Variants in NEK11 observed in about 807,000 individuals in gnomAD.
NEK11 encodes NIMA related kinase 11.
In NEK11, 72 loss-of-function variants were observed where a neutral mutation model predicts 80.7. The ratio of observed to expected loss-of-function variants is 0.89; its 90% CI spans 0.74 to 1.08. The LOEUF (loss-of-function observed/expected upper bound fraction) is 1.08. Among genes scored for constraint, NEK11 ranks in the 50% least tolerant of loss-of-function variants. The pLI, the probability that NEK11 is intolerant of heterozygous loss-of-function variation, is 0.00. For synonymous variants in NEK11, 251 were observed against 260.7 expected, an observed-to-expected ratio of 0.96 and a Z score of 0.36; for missense variants, 764 against 763.6, an observed-to-expected ratio of 1.00 and a Z score of -0.01.
chr3:131,263,030 A>G (rs2095962438), intron 16 of NEK11, among the ~76,000 whole-genome samples: 1 of 152,148 alleles, frequency 6.6e-6, no homozygotes, highest in Admixed American at 6.6e-5. Context: ...TCCATGGCAT[A>G]TATGTGCCAC....
rs1577735592 is a variant in NEK11 at position 131,067,863 on chromosome 3, G to A, written c.171-12560G>A. ...GCAAACTATAGTTTAAAGAATTTGGGTTAAAATGTAAGGAAGATTTTCTTC... is the reference window on the plus strand; with the variant it reads ...GCAAACTATAGTTTAAAGAATTTGGATTAAAATGTAAGGAAGATTTTCTTC... On this transcript the variant is annotated intron_variant, in intron 3 of 17. Transcript: ENST00000383366. 2.6e-5 allele frequency among the ~76,000 whole-genome samples: 4 copies of A among 152,320 alleles called. 1 individual carries two copies. In the South Asian group the frequency reaches 8.3e-4, roughly 32 times the overall value.
At chr3:131,237,094 C>A (rs576454255) in intron 15 of NEK11, among the ~76,000 whole-genome samples, 1 of 152,268 alleles carries the variant, frequency 6.6e-6, no homozygotes, top group South Asian at 2.1e-4. Flanking sequence ...AATCCTAGCA[C>A]TTTGGGAGGC....
intron 17 of NEK11, among the ~76,000 whole-genome samples, chr3:131,319,491 A>C (rs2096876637): frequency 6.6e-6 from 1 of 152,170 alleles, no homozygotes; most frequent in South Asian, 2.1e-4. Context: ...GCATGCTTAT[A>C]GTATGATTGT....
chr3:131,081,486 G>A (rs1239665784), intron 4 of NEK11, among the ~76,000 whole-genome samples: 1 of 152,180 alleles, frequency 6.6e-6, no homozygotes, highest in Non-Finnish European at 1.5e-5. Context: ...AAGTGGGAGA[G>A]GGGAAAGTGG....
intron 15 of NEK11, among the ~76,000 whole-genome samples, chr3:131,234,862 CA>C (rs1242551438): frequency 1.3e-5 from 2 of 149,940 alleles, no homozygotes; most frequent in Non-Finnish European, 3.0e-5. Flanking sequence ...ATTTTAGGTT[CA>C]GGGGGTACAT....
intron 3 of NEK11, among the ~76,000 whole-genome samples, chr3:131,042,589 GA>G (rs1462820533): frequency 6.6e-6 from 1 of 152,208 alleles, no homozygotes; most frequent in Non-Finnish European, 1.5e-5. Flanking sequence ...GGGCATCTCT[GA>G]AAGAAAGGCA....
chr3:131,096,105 G>A (rs1455661114), intron 4 of NEK11, among the ~76,000 whole-genome samples: 1 of 151,894 alleles, frequency 6.6e-6, no homozygotes, highest in Non-Finnish European at 1.5e-5. Flanking sequence ...ACATCTGTAG[G>A]TTTGTTACAT....
At chr3:131,235,302 A>G (rs773914755) in intron 15 of NEK11, among the ~76,000 whole-genome samples, 5 of 152,148 alleles carry the variant, frequency 3.3e-5, no homozygotes, top group Non-Finnish European at 7.4e-5. Flanking sequence ...ACTACCCTAC[A>G]TTAATCCCTG....
rs1411752443 is a variant in NEK11, at chr3:131,333,538, G to A, written c.1719-16019G>A. ...ATGCCAAAATGTAAAGACCATCGAGGCTAGGAAGAAACTGCATCAACTAAC... is the reference window on the plus strand; with the variant it reads ...ATGCCAAAATGTAAAGACCATCGAGACTAGGAAGAAACTGCATCAACTAAC... On this transcript the variant is annotated intron_variant, in intron 17 of 17. Transcript: ENST00000383366. 9.3e-4 allele frequency among the ~76,000 whole-genome samples: 142 copies of A among 152,254 alleles called. 1 individual carries two copies. The highest frequency in any genetic ancestry group is 3.1e-3 in the African/African-American group (128 of 41,524).
chr3:131,248,169 C>G (rs556060664), intron 16 of NEK11, among the ~76,000 whole-genome samples: 4 of 152,012 alleles, frequency 2.6e-5, no homozygotes, highest in African/African-American at 4.8e-5. Flanking sequence ...TTGACTTGTA[C>G]CAGGTTTAGG....
intron 5 of NEK11, among the ~76,000 whole-genome samples, chr3:131,117,364 T>C (rs1004166482): frequency 2.6e-5 from 4 of 152,230 alleles, no homozygotes; most frequent in Non-Finnish European, 5.9e-5. Flanking sequence ...TACCGTGCTG[T>C]TTTGGTTACT....
At chr3:131,179,055 C>T (rs1185442854) in intron 14 of NEK11, among the ~76,000 whole-genome samples, 1 of 152,172 alleles carries the variant, frequency 6.6e-6, no homozygotes, top group Non-Finnish European at 1.5e-5. Flanking sequence ...GGACTCCCTC[C>T]TTATGAATGG....
At chr3:131,095,817 C>T (rs142653260) in intron 4 of NEK11, among the ~76,000 whole-genome samples, 113 of 152,006 alleles carry the variant, frequency 7.4e-4, no homozygotes, top group Admixed American at 2.0e-3. Context: ...GGTTTGAGGT[C>T]GAAAGGCCTT....
intron 17 of NEK11, among the ~76,000 whole-genome samples, chr3:131,275,390 T>C (rs1006244038): frequency 3.3e-5 from 5 of 152,250 alleles, no homozygotes; most frequent in African/African-American, 7.2e-5. Context: ...TATTATGAAA[T>C]GTTTTAAATA....
At chr3:131,084,037 C>T (rs1233380546) in intron 4 of NEK11, among the ~76,000 whole-genome samples, 1 of 152,134 alleles carries the variant, frequency 6.6e-6, no homozygotes, top group Non-Finnish European at 1.5e-5. Context: ...CCAGGCCCAG[C>T]TTAAATGCCA....
chr3:131,191,387 C>T (rs965900968), intron 14 of NEK11, among the ~76,000 whole-genome samples: 1 of 152,032 alleles, frequency 6.6e-6, no homozygotes, highest in Non-Finnish European at 1.5e-5. Flanking sequence ...TGGTTTGTGC[C>T]CTCCTTTCTC....
At chr3:131,155,172 G>C in intron 10 of NEK11, 51 bp downstream of exon 10, 1 of 1,190,230 alleles carries the variant, frequency 8.4e-7, no homozygotes, top group Non-Finnish European at 1.2e-6. Flanking sequence ...AATGTTAAAT[G>C]TATTTGTCTT....
At chr3:131,168,776 T>A in intron 12 of NEK11, 54 bp from the exon 13 acceptor site, 1 of 1,354,876 alleles carries the variant, frequency 7.4e-7, no homozygotes, top group South Asian at 1.3e-5. Context: ...CACCTCTAGA[T>A]GAAGAAAGAC....
intron 14 of NEK11, among the ~76,000 whole-genome samples, chr3:131,176,847 C>T (rs2093046970): frequency 6.6e-6 from 1 of 152,234 alleles, no homozygotes; most frequent in Non-Finnish European, 1.5e-5. Context: ...CATGGATCAT[C>T]ACTTAGCTAA....
Sources: gnomAD v4.1 joint callset for allele counts (sites outside exome capture counted in the v4.1 genomes callset) on GRCh38, gnomAD v4.1.1 for gene constraint, MANE v1.5 for transcripts, NCBI Gene and HGNC (gene_info 2026-07-23, HGNC 2026-07-21) for gene names.